Variants in GPC6 observed in about 807,000 individuals in gnomAD.
GPC6 encodes the protein glypican 6.
GPC6 carries 14 observed loss-of-function variants against 55.2 expected under a neutral mutation model. The ratio of observed to expected loss-of-function variants is 0.25; its 90% CI spans 0.17 to 0.40. The LOEUF (loss-of-function observed/expected upper bound fraction) is 0.40. GPC6 is among the 10% of genes least tolerant of loss of function. The pLI, the probability that GPC6 is intolerant of heterozygous loss-of-function variation, is 1.00. For synonymous variants in GPC6, 278 were observed against 259.6 expected (o/e 1.07, Z -0.68); for missense variants, 641 against 708.5 (o/e 0.90, Z 1.08).
At chr13:94,208,672 A>C (rs1027643355) in intron 4 of GPC6, among the ~76,000 whole-genome samples, 4 of 150,774 alleles carry the variant, frequency 2.7e-5, no homozygotes, top group African/African-American at 9.8e-5. Context: ...CTGTAATCCC[A>C]ACATGATGGT....
At chr13:94,249,390 T>C (rs1361854439) in intron 4 of GPC6, among the ~76,000 whole-genome samples, 1 of 152,112 alleles carries the variant, frequency 6.6e-6, no homozygotes, top group Admixed American at 6.6e-5. Flanking sequence ...GGTGAGTGAA[T>C]ATAAATTTGG....
intron 1 of GPC6, among the ~76,000 whole-genome samples, chr13:93,347,332 T>C (rs1263681658): frequency 6.6e-6 from 1 of 152,114 alleles, no homozygotes; most frequent in Admixed American, 6.6e-5. Flanking sequence ...AGTTTTGTGG[T>C]GAGATTTTTT....
intron 3 of GPC6, among the ~76,000 whole-genome samples, chr13:93,848,602 G>T (rs2139008584): frequency 6.6e-6 from 1 of 151,962 alleles, no homozygotes; most frequent in East Asian, 1.9e-4. Flanking sequence ...TAAAAATCTG[G>T]GGTATTTACT....
chr13:94,003,400 T>C (rs1290732626), intron 3 of GPC6, among the ~76,000 whole-genome samples: 1 of 152,154 alleles, frequency 6.6e-6, no homozygotes, highest in Non-Finnish European at 1.5e-5. Flanking sequence ...TCAGTCAGAA[T>C]AGAGGAAGAA....
intron 4 of GPC6, among the ~76,000 whole-genome samples, chr13:94,266,151 C>CTTTTTTT (rs111623457): frequency 4.7e-4 from 67 of 142,734 alleles, no homozygotes; most frequent in African/African-American, 7.6e-4. Flanking sequence ...CTTTTCTTTT[C>CTTTTTTT]TTTTTTTTTT....
chr13:93,554,557 A>ATG (rs1875354158), intron 2 of GPC6, among the ~76,000 whole-genome samples: 1 of 152,248 alleles, frequency 6.6e-6, no homozygotes, highest in African/African-American at 2.4e-5. Context: ...CTTTGGCAAG[A>ATG]TTCAAATGAC....
rs9584160 is a variant in GPC6, at chr13:93,836,767, G to T, written c.711+6222G>T. On this transcript the variant is annotated intron_variant, in intron 3 of 8. Coordinates refer to ENST00000377047, the MANE Select transcript of GPC6 (RefSeq NM_005708.5). ...TAAAAATAGTAAGAAATTGATATTG[G>T]GACTAGGAACCATAATAACAAAAAT... Among the ~76,000 whole-genome samples, 867 of 151,858 alleles carry T rather than the reference G, an allele frequency of 5.7e-3. 15 individuals carry two copies. Among genetic ancestry groups the T allele is most frequent in the African/African-American group, 0.02 (834 of 41,422 alleles).
intron 4 of GPC6, among the ~76,000 whole-genome samples, chr13:94,149,455 C>T (rs966585636): frequency 2.0e-5 from 3 of 152,080 alleles, no homozygotes; most frequent in Non-Finnish European, 4.4e-5. Flanking sequence ...GCCTTGTGTG[C>T]CTTTAGAACA....
rs142943757 is a variant in GPC6, at chr13:94,297,244, T to A, written c.1009-8736T>A. On this transcript the variant is annotated intron_variant, in intron 5 of 8. Transcript: ENST00000377047. ...CTCTTGGGAGCAGGGACGTGTCCAA[T>A]TGGCATATCCCCAGCACTTATGTTT... 2.8e-3 allele frequency among the ~76,000 whole-genome samples: 427 copies of A among 152,284 alleles called. 3 individuals carry two copies. The highest frequency in any genetic ancestry group is 6.8e-3 in the Middle Eastern group (2 of 294).
At chr13:94,195,218 T>C (rs1352677642) in intron 4 of GPC6, among the ~76,000 whole-genome samples, 1 of 152,208 alleles carries the variant, frequency 6.6e-6, no homozygotes, top group Non-Finnish European at 1.5e-5. Context: ...TCTCCTTTGC[T>C]TCCTTCCCTG....
chr13:93,497,077 C>T (rs771193448), intron 1 of GPC6, among the ~76,000 whole-genome samples: 1 of 152,174 alleles, frequency 6.6e-6, no homozygotes, highest in Non-Finnish European at 1.5e-5. Context: ...TGCCCTCGTG[C>T]TGCTGCAGCC....
chr13:93,425,106 A>G (rs1877074217), intron 1 of GPC6, among the ~76,000 whole-genome samples: 1 of 152,214 alleles, frequency 6.6e-6, no homozygotes, highest in Non-Finnish European at 1.5e-5. Flanking sequence ...AAATTTTCAA[A>G]AATTAATATA....
At chr13:94,134,298 A>G (rs1245233890) in intron 4 of GPC6, among the ~76,000 whole-genome samples, 1 of 152,164 alleles carries the variant, frequency 6.6e-6, no homozygotes, top group Non-Finnish European at 1.5e-5. Flanking sequence ...AACCTAATTA[A>G]TGGCAGTGCC....
At chr13:94,118,445 A>C (rs1886511142) in intron 4 of GPC6, among the ~76,000 whole-genome samples, 1 of 152,090 alleles carries the variant, frequency 6.6e-6, no homozygotes, top group Non-Finnish European at 1.5e-5. Context: ...CAGTCTCGGG[A>C]AGTTCTTTAT....
intron 3 of GPC6, among the ~76,000 whole-genome samples, chr13:93,994,524 T>C (rs928278827): frequency 1.3e-5 from 2 of 152,226 alleles, no homozygotes; most frequent in African/African-American, 4.8e-5. Context: ...CATTGCTTAT[T>C]CTAAAAGAAA....
chr13:93,684,174 C>A (rs1470305291), intron 2 of GPC6, among the ~76,000 whole-genome samples: 1 of 151,950 alleles, frequency 6.6e-6, no homozygotes, highest in Admixed American at 6.6e-5. Context: ...TTTTCCACTG[C>A]AAATTTTTTG....
chr13:93,348,797 C>T (rs1880515922), intron 1 of GPC6, among the ~76,000 whole-genome samples: 1 of 152,128 alleles, frequency 6.6e-6, no homozygotes, highest in South Asian at 2.1e-4. Flanking sequence ...AAAGCCCATA[C>T]AAATTTAATG....
At chr13:93,911,458 T>G (rs1876976720) in intron 3 of GPC6, among the ~76,000 whole-genome samples, 1 of 152,046 alleles carries the variant, frequency 6.6e-6, no homozygotes, top group Non-Finnish European at 1.5e-5. Context: ...ATCTTTTTCC[T>G]TGGTCAATCA....
intron 1 of GPC6, among the ~76,000 whole-genome samples, chr13:93,363,012 T>G (rs1453386329): frequency 6.6e-6 from 1 of 152,090 alleles, no homozygotes; most frequent in Non-Finnish European, 1.5e-5. Context: ...GAACGACTAT[T>G]TTTTAAATGG....
Sources: gnomAD v4.1 joint callset for allele counts (sites outside exome capture counted in the v4.1 genomes callset) on GRCh38, gnomAD v4.1.1 for gene constraint, MANE v1.5 for transcripts, NCBI Gene and HGNC (gene_info 2026-07-23, HGNC 2026-07-21) for gene names.